MAF: variants seen among roughly 807,000 people sequenced by gnomAD.
MAF encodes MAF bZIP transcription factor, also known as transcription factor Maf.
A neutral mutation model predicts 22.0 loss-of-function variants in MAF; 10 were observed. That is an observed-to-expected ratio of 0.45 (90% CI 0.28 to 0.77). The LOEUF (loss-of-function observed/expected upper bound fraction) is 0.77. Among genes scored for constraint, MAF ranks in the 30% least tolerant of loss-of-function variants. The probability of loss-of-function intolerance (pLI) is 0.12; values close to 1 mark genes in which losing one functional copy is unlikely to be tolerated. For missense variants in MAF, 544 were observed against 548.4 expected, an observed-to-expected ratio of 0.99 and a Z score of 0.08; for synonymous variants, 337 against 255.8, an observed-to-expected ratio of 1.32 and a Z score of -3.03.
At chr16:79,304,784 C>T in the MAF span, among the ~76,000 whole-genome samples, 2 of 152,136 alleles carry the variant, frequency 1.3e-5, no homozygotes, top group African/African-American at 4.8e-5. Context: ...ATTGCTGTGT[C>T]CATTACACTT....
chr16:79,207,168 G>C, the MAF span, among the ~76,000 whole-genome samples: 1 of 152,204 alleles, frequency 6.6e-6, no homozygotes, highest in Non-Finnish European at 1.5e-5. Flanking sequence ...CACCGCAGCA[G>C]CTCTCTGATA....
At chr16:79,390,566 C>G in the MAF span, among the ~76,000 whole-genome samples, 4 of 152,170 alleles carry the variant, frequency 2.6e-5, no homozygotes, top group Non-Finnish European at 1.5e-5. Flanking sequence ...CATCAAGGAA[C>G]AGACTGCTCT....
chr16:79,459,472 G>C, the MAF span, among the ~76,000 whole-genome samples: 1 of 152,034 alleles, frequency 6.6e-6, no homozygotes, highest in East Asian at 1.9e-4. Context: ...TCCTCTATCA[G>C]TACCATGCTG....
At chr16:79,586,760 G>A (rs1001437198) in intron 1 of MAF, among the ~76,000 whole-genome samples, 3 of 152,156 alleles carry the variant, frequency 2.0e-5, no homozygotes, top group African/African-American at 4.8e-5. Flanking sequence ...TAACAAAGCA[G>A]ACCTGTCATT....
the MAF span, among the ~76,000 whole-genome samples, chr16:79,378,339 T>C: frequency 6.6e-6 from 1 of 152,068 alleles, no homozygotes; most frequent in African/African-American, 2.4e-5. Flanking sequence ...AAAAGCAAAA[T>C]ATTAAGAGAA....
chr16:79,330,245 C>T, the MAF span, among the ~76,000 whole-genome samples: 269 of 152,216 alleles, frequency 1.8e-3, no homozygotes, highest in African/African-American at 6.0e-3. Flanking sequence ...CATAATTTGA[C>T]GCTAGTGGGC....
chr16:79,375,318 T>A, the MAF span, among the ~76,000 whole-genome samples: 1 of 152,118 alleles, frequency 6.6e-6, no homozygotes, highest in African/African-American at 2.4e-5. Context: ...TAAGAGAGAA[T>A]CCCTCCTCTC....
the MAF span, among the ~76,000 whole-genome samples, chr16:79,477,915 G>C: frequency 6.6e-6 from 1 of 151,842 alleles, no homozygotes; most frequent in Non-Finnish European, 1.5e-5. Context: ...GTAGAGACGG[G>C]GTTTCACTAT....
At chr16:79,531,278 C>G in the MAF span, among the ~76,000 whole-genome samples, 1 of 152,176 alleles carries the variant, frequency 6.6e-6, no homozygotes, top group Admixed American at 6.5e-5. Flanking sequence ...CCTCTATCCT[C>G]TGCATCTCAT....
chr16:79,248,990 GTGATT>G, the MAF span, among the ~76,000 whole-genome samples: 2 of 152,104 alleles, frequency 1.3e-5, no homozygotes, highest in Admixed American at 6.6e-5. Context: ...AACCCCTGCT[GTGATT>G]TAAGTTTGTG....
At chr16:79,474,269 C>T in the MAF span, among the ~76,000 whole-genome samples, 27 of 152,176 alleles carry the variant, frequency 1.8e-4, no homozygotes, top group African/African-American at 6.5e-4. Flanking sequence ...TTTGTATTCG[C>T]CTCTTTGGGG....
At chr16:79,547,214 T>G in the MAF span, among the ~76,000 whole-genome samples, 2 of 151,620 alleles carry the variant, frequency 1.3e-5, no homozygotes, top group Non-Finnish European at 2.9e-5. Flanking sequence ...TGCACACCCC[T>G]ACACACACCC....
chr16:79,214,142 C>T, the MAF span, among the ~76,000 whole-genome samples: 8 of 152,162 alleles, frequency 5.3e-5, no homozygotes, highest in Admixed American at 6.6e-5. Context: ...GGTGTCACCC[C>T]ATTCTTATTC....
the MAF span, among the ~76,000 whole-genome samples, chr16:79,577,632 C>T: frequency 6.6e-6 from 1 of 152,128 alleles, no homozygotes; most frequent in African/African-American, 2.4e-5. Context: ...CGGAAGTTGT[C>T]TCTAACTCCT....
chr16:79,427,937 G>A, the MAF span, among the ~76,000 whole-genome samples: 1 of 151,932 alleles, frequency 6.6e-6, no homozygotes, highest in Non-Finnish European at 1.5e-5. Flanking sequence ...TGAATGGAGT[G>A]TGAATGAATA....
At chr16:79,377,882 T>C in the MAF span, among the ~76,000 whole-genome samples, 1 of 152,142 alleles carries the variant, frequency 6.6e-6, no homozygotes, top group Non-Finnish European at 1.5e-5. Context: ...GTTCCATTGG[T>C]CTATATCTCT....
the MAF span, among the ~76,000 whole-genome samples, chr16:79,517,083 T>C: frequency 6.6e-6 from 1 of 152,200 alleles, no homozygotes; most frequent in Non-Finnish European, 1.5e-5. Flanking sequence ...GCTGTCTGTT[T>C]TAGCTATCTG....
chr16:79,520,136 G>T, the MAF span, among the ~76,000 whole-genome samples: 2 of 152,146 alleles, frequency 1.3e-5, no homozygotes, highest in Non-Finnish European at 2.9e-5. Flanking sequence ...TTCAGCAGGC[G>T]CCTGCTAACT....
the MAF span, among the ~76,000 whole-genome samples, chr16:79,266,806 A>G: frequency 6.6e-6 from 1 of 152,216 alleles, no homozygotes; most frequent in South Asian, 2.1e-4. Flanking sequence ...GGCACCGAAC[A>G]TGATCCTGCT....
Sources: allele counts gnomAD v4.1 joint callset (sites outside exome capture counted in the v4.1 genomes callset), GRCh38; gene constraint gnomAD v4.1.1; transcripts MANE v1.5; gene names NCBI Gene and HGNC (gene_info 2026-07-23, HGNC 2026-07-21).